Variants in RAB38 observed in about 807,000 individuals in gnomAD.
RAB38 encodes the protein RAB38, member RAS oncogene family, also known as ras-related protein Rab-38.
In RAB38, 15 loss-of-function variants were observed where a neutral mutation model predicts 18.4. The ratio of observed to expected loss-of-function variants is 0.82; its 90% CI spans 0.55 to 1.26. The LOEUF is 1.26. Ranked by LOEUF, RAB38 falls within the 50% of genes most tolerant of loss-of-function variation. RAB38 has a pLI of 0.00. For missense variants in RAB38, 294 were observed against 267.4 expected (o/e 1.10, Z -0.69); for synonymous variants, 101 against 104.4 (o/e 0.97, Z 0.20).
At chr11:87,857,219 T>C in the RAB38 span, among the ~76,000 whole-genome samples, 1 of 152,220 alleles carries the variant, frequency 6.6e-6, no homozygotes, top group African/African-American at 2.4e-5. Flanking sequence ...CTGCATAGTA[T>C]TCTGTGATGC....
chr11:87,846,116 A>G, the RAB38 span, among the ~76,000 whole-genome samples: 2 of 152,196 alleles, frequency 1.3e-5, no homozygotes, highest in South Asian at 4.1e-4. Context: ...AAAGCCCTAA[A>G]AAGCCAGATA....
At chr11:88,172,221 C>T (rs916782036) in intron 1 of RAB38, among the ~76,000 whole-genome samples, 2 of 152,216 alleles carry the variant, frequency 1.3e-5, no homozygotes, top group African/African-American at 4.8e-5. Flanking sequence ...CCTCTGAACA[C>T]ACAGCTGACC....
intron 1 of RAB38, among the ~76,000 whole-genome samples, chr11:88,163,951 G>C (rs759696971): frequency 9.2e-5 from 14 of 152,070 alleles, no homozygotes; most frequent in Non-Finnish European, 2.1e-4. Flanking sequence ...AGTGGATAAA[G>C]CAGGGGGAAG....
At chr11:87,944,025 A>G in the RAB38 span, among the ~76,000 whole-genome samples, 1 of 152,188 alleles carries the variant, frequency 6.6e-6, no homozygotes, top group Non-Finnish European at 1.5e-5. Flanking sequence ...GTTAGGTTTC[A>G]GAACACAATA....
At chr11:87,966,840 A>G in the RAB38 span, among the ~76,000 whole-genome samples, 1 of 152,328 alleles carries the variant, frequency 6.6e-6, no homozygotes, top group South Asian at 2.1e-4. Context: ...ATTGGGTGTG[A>G]GCCAGTGCTG....
At chr11:88,126,497 T>A (rs1942696595) in intron 2 of RAB38, among the ~76,000 whole-genome samples, 1 of 151,988 alleles carries the variant, frequency 6.6e-6, no homozygotes, top group African/African-American at 2.4e-5. Flanking sequence ...TCGGAGTTGA[T>A]CAGTGAAAAC....
chr11:88,033,790 C>T, the RAB38 span, among the ~76,000 whole-genome samples: 6 of 142,550 alleles, frequency 4.2e-5, no homozygotes. Flanking sequence ...TACAGTGGCG[C>T]AATCTCAGCT....
the RAB38 span, among the ~76,000 whole-genome samples, chr11:87,973,009 C>G: frequency 6.6e-6 from 1 of 151,926 alleles, no homozygotes; most frequent in African/African-American, 2.4e-5. Flanking sequence ...CATGTAAGAC[C>G]TGCCTATATT....
At chr11:87,872,241 G>A in the RAB38 span, among the ~76,000 whole-genome samples, 283 of 151,598 alleles carry the variant, frequency 1.9e-3, no homozygotes, top group African/African-American at 6.4e-3. Context: ...CGTTTCCCAT[G>A]AAGAGACTAT....
At chr11:87,859,785 C>T in the RAB38 span, among the ~76,000 whole-genome samples, 1 of 152,030 alleles carries the variant, frequency 6.6e-6, no homozygotes, top group Non-Finnish European at 1.5e-5. Context: ...CTTCTTGGCT[C>T]TGCTTCCACT....
chr11:87,942,325 GAA>G, the RAB38 span, among the ~76,000 whole-genome samples: 1 of 152,106 alleles, frequency 6.6e-6, no homozygotes, highest in African/African-American at 2.4e-5. Context: ...CTGTGAAGGA[GAA>G]AAGACACGGC....
At chr11:87,912,220 T>C in the RAB38 span, among the ~76,000 whole-genome samples, 1 of 151,988 alleles carries the variant, frequency 6.6e-6, no homozygotes, top group African/African-American at 2.4e-5. Flanking sequence ...TCTCATAGAA[T>C]AAATTGGGAG....
the RAB38 span, among the ~76,000 whole-genome samples, chr11:87,871,907 T>C: frequency 6.6e-6 from 1 of 151,712 alleles, no homozygotes; most frequent in African/African-American, 2.4e-5. Context: ...CTATTACTGA[T>C]ACTGATTATT....
At chr11:88,044,132 C>T in the RAB38 span, among the ~76,000 whole-genome samples, 5 of 152,328 alleles carry the variant, frequency 3.3e-5, no homozygotes, top group Admixed American at 1.3e-4. Context: ...GTGCCGGTCA[C>T]GGACTCCAGA....
At chr11:87,843,890 T>A in the RAB38 span, among the ~76,000 whole-genome samples, 1 of 152,330 alleles carries the variant, frequency 6.6e-6, no homozygotes, top group South Asian at 2.1e-4. Flanking sequence ...ATGTTCAATT[T>A]GTTATAAGTG....
chr11:87,950,811 C>G, the RAB38 span, among the ~76,000 whole-genome samples: 473 of 152,258 alleles, frequency 3.1e-3, 2 homozygotes, highest in African/African-American at 0.011. Flanking sequence ...CTCTGGCTGC[C>G]CTTGACATTT....
At chr11:87,937,330 ATATATATATATATATATATATC>A in the RAB38 span, among the ~76,000 whole-genome samples, 1 of 91,308 alleles carries the variant, frequency 1.1e-5, no homozygotes, top group African/African-American at 5.7e-5. Flanking sequence ...ATATATATAT[ATATATATATATATATATATATC>A]ATAATTCTAT....
the RAB38 span, among the ~76,000 whole-genome samples, chr11:87,943,975 T>C: frequency 3.3e-5 from 5 of 152,112 alleles, no homozygotes; most frequent in Non-Finnish European, 7.4e-5. Flanking sequence ...ATTCAAAAAG[T>C]TTTTCCCTCA....
chr11:88,014,708 T>A, the RAB38 span, among the ~76,000 whole-genome samples: 1 of 152,092 alleles, frequency 6.6e-6, no homozygotes, highest in Non-Finnish European at 1.5e-5. Context: ...TCAATCCTTT[T>A]TACTGATGGG....
Sources: gnomAD v4.1 joint callset for allele counts (sites outside exome capture counted in the v4.1 genomes callset) on GRCh38, gnomAD v4.1.1 for gene constraint, MANE v1.5 for transcripts, NCBI Gene and HGNC (gene_info 2026-07-23, HGNC 2026-07-21) for gene names.